Variants in SCFD2 observed in about 807,000 individuals in gnomAD.
SCFD2 encodes the protein sec1 family domain-containing protein 2.
Under a neutral mutation model 58.9 loss-of-function variants are expected in SCFD2, and 54 were observed. That is an observed-to-expected ratio of 0.92 (90% CI 0.74 to 1.15). SCFD2 has a LOEUF of 1.15. SCFD2 is among the 50% of genes most tolerant of loss of function. SCFD2 has a pLI of 0.00. For missense variants in SCFD2, 805 were observed against 836.6 expected, an observed-to-expected ratio of 0.96 and a Z score of 0.47; for synonymous variants, 321 against 335.9, an observed-to-expected ratio of 0.96 and a Z score of 0.49.
intron 8 of SCFD2, among the ~76,000 whole-genome samples, chr4:52,877,342 C>T (rs147366748): frequency 6.6e-6 from 1 of 152,178 alleles, no homozygotes; most frequent in African/African-American, 2.4e-5. Flanking sequence ...AAAACAGGGG[C>T]TTCTCAAGCA....
At chr4:53,350,844 G>C (rs2149161660) in intron 2 of SCFD2, among the ~76,000 whole-genome samples, 1 of 152,214 alleles carries the variant, frequency 6.6e-6, no homozygotes, top group South Asian at 2.1e-4. Flanking sequence ...TGAGTAGCTG[G>C]GATTACAGGC....
intron 3 of SCFD2, among the ~76,000 whole-genome samples, chr4:53,279,290 C>T (rs1731435349): frequency 6.6e-6 from 1 of 152,022 alleles, no homozygotes; most frequent in South Asian, 2.1e-4. Flanking sequence ...TTTCTTTCTT[C>T]TTATTTTTCT....
intron 5 of SCFD2, among the ~76,000 whole-genome samples, chr4:53,127,455 G>A (rs1217732915): frequency 2.6e-5 from 4 of 152,084 alleles, no homozygotes; most frequent in East Asian, 3.9e-4. Flanking sequence ...GAGATACAAC[G>A]TTGAGCAAAA....
At chr4:53,336,598 C>T (rs552457856) in intron 2 of SCFD2, among the ~76,000 whole-genome samples, 30 of 152,138 alleles carry the variant, frequency 2.0e-4, no homozygotes, top group Admixed American at 1.9e-3. Flanking sequence ...AATCATGGCT[C>T]ACCGTAGCCT....
At chr4:53,298,082 G>A (rs536900369) in intron 3 of SCFD2, among the ~76,000 whole-genome samples, 141 of 152,264 alleles carry the variant, frequency 9.3e-4, no homozygotes, top group Non-Finnish European at 1.9e-3. Context: ...ACACTGGGGA[G>A]TGCCGGACAG....
intron 5 of SCFD2, among the ~76,000 whole-genome samples, chr4:52,921,881 G>A (rs933755920): frequency 2.6e-5 from 4 of 152,130 alleles, no homozygotes; most frequent in Non-Finnish European, 4.4e-5. Context: ...GGGGCAGGCT[G>A]GGAGTGCTGG....
intron 5 of SCFD2, among the ~76,000 whole-genome samples, chr4:52,992,074 C>T (rs1282802284): frequency 8.5e-5 from 13 of 152,148 alleles, no homozygotes; most frequent in Admixed American, 2.0e-4. Flanking sequence ...CCTCTGATGC[C>T]GAGCCGAAGC....
At chr4:53,339,578 T>C (rs1733797844) in intron 2 of SCFD2, among the ~76,000 whole-genome samples, 1 of 152,118 alleles carries the variant, frequency 6.6e-6, no homozygotes, top group East Asian at 1.9e-4. Context: ...AAGAGCAGCC[T>C]GGCCAACATG....
At chr4:53,276,124 AT>A (rs971180040) in intron 3 of SCFD2, among the ~76,000 whole-genome samples, 18 of 150,898 alleles carry the variant, frequency 1.2e-4, no homozygotes, top group African/African-American at 2.7e-4. Context: ...CTTACTTTTA[AT>A]TTTTTTTTAA....
chr4:53,258,123 T>G (rs2149050123), intron 4 of SCFD2, among the ~76,000 whole-genome samples: 1 of 152,354 alleles, frequency 6.6e-6, no homozygotes, highest in Non-Finnish European at 1.5e-5. Flanking sequence ...CAGCCCATCT[T>G]CCTGACTGCC....
At chr4:53,049,861 T>A (rs1036233575) in intron 5 of SCFD2, among the ~76,000 whole-genome samples, 1 of 152,168 alleles carries the variant, frequency 6.6e-6, no homozygotes, top group East Asian at 1.9e-4. Flanking sequence ...ATTTTGTTGA[T>A]GTTTTTGTTT....
At chr4:53,109,576 T>A (rs7676883) in intron 5 of SCFD2, among the ~76,000 whole-genome samples, 8,030 of 151,878 alleles carry the variant, frequency 0.053, 707 homozygotes, top group African/African-American at 0.18. Context: ...ACACCAATAA[T>A]AGAAAAACAG....
In SCFD2 at chr4:53,287,575, C is replaced by A. The variant is rs144075399; in HGVS notation, c.1136-13574G>T. ...TGCACAAGTTACACCCTAAAACTCA[C>A]CTGCAGGTGAAAGTCTCTCCCTACA... On this transcript the variant is annotated intron_variant, in intron 3 of 8. Coordinates refer to ENST00000401642, the MANE Select transcript of SCFD2 (RefSeq NM_152540.4). Among the ~76,000 whole-genome samples, 14 of 152,240 alleles carry A rather than the reference C, an allele frequency of 9.2e-5. No individual in the cohort carries two copies. In the East Asian group the frequency reaches 2.1e-3, roughly 23 times the overall value.
chr4:53,328,611 T>C (rs943378408), intron 2 of SCFD2, among the ~76,000 whole-genome samples: 3 of 152,144 alleles, frequency 2.0e-5, no homozygotes, highest in Non-Finnish European at 2.9e-5. Flanking sequence ...CATACATACA[T>C]GCGGAGAACA....
chr4:53,342,793 G>T (rs1030644150), intron 2 of SCFD2, among the ~76,000 whole-genome samples: 2 of 152,114 alleles, frequency 1.3e-5, no homozygotes, highest in Non-Finnish European at 2.9e-5. Context: ...TAGAACTCAG[G>T]ATTAAGAAAC....
intron 4 of SCFD2, among the ~76,000 whole-genome samples, chr4:53,240,270 A>T (rs532727082): frequency 6.6e-6 from 1 of 152,224 alleles, no homozygotes; most frequent in Non-Finnish European, 1.5e-5. Flanking sequence ...TGATCGTAAC[A>T]CACACCATTA....
intron 1 of SCFD2, among the ~76,000 whole-genome samples, chr4:53,358,856 C>G (rs1406316891): frequency 6.6e-6 from 1 of 152,134 alleles, no homozygotes; most frequent in East Asian, 1.9e-4. Flanking sequence ...CCATAGGTGT[C>G]CAAACTCTGG....
At chr4:53,109,164 C>T (rs1370460668) in intron 5 of SCFD2, among the ~76,000 whole-genome samples, 1 of 152,192 alleles carries the variant, frequency 6.6e-6, no homozygotes, top group African/African-American at 2.4e-5. Flanking sequence ...TAAAATTCAA[C>T]ACCCCTTCAT....
chr4:53,344,531 A>C (rs1425720480), intron 2 of SCFD2, among the ~76,000 whole-genome samples: 1 of 152,220 alleles, frequency 6.6e-6, no homozygotes, highest in Non-Finnish European at 1.5e-5. Context: ...TGCCCAAGGT[A>C]ATTTATAGAT....
Sources: allele counts gnomAD v4.1 joint callset (sites outside exome capture counted in the v4.1 genomes callset), GRCh38; gene constraint gnomAD v4.1.1; transcripts MANE v1.5; gene names NCBI Gene and HGNC (gene_info 2026-07-23, HGNC 2026-07-21).